The following BTBD9 variants were observed in gnomAD, a reference collection of about 807,000 sequenced individuals.
The protein encoded by BTBD9 is BTB domain containing 9, also known as BTB/POZ domain-containing protein 9.
Under a neutral mutation model 64.3 loss-of-function variants are expected in BTBD9, and 49 were observed. That is an observed-to-expected ratio of 0.76 (90% CI 0.61 to 0.97). The LOEUF is 0.97. Among genes scored for constraint, BTBD9 ranks in the 50% least tolerant of loss-of-function variants. The pLI, the probability that BTBD9 is intolerant of heterozygous loss-of-function variation, is 0.00. For missense variants in BTBD9, 598 were observed against 762.1 expected, an observed-to-expected ratio of 0.78 and a Z score of 2.53; for synonymous variants, 260 against 274.7, an observed-to-expected ratio of 0.95 and a Z score of 0.53.
chr6:38,325,290 A>G (rs1763378591), intron 7 of BTBD9, among the ~76,000 whole-genome samples: 1 of 152,242 alleles, frequency 6.6e-6, no homozygotes, highest in African/African-American at 2.4e-5. Context: ...AGCAGGATTC[A>G]AAGAAGAAAA....
intron 4 of BTBD9, among the ~76,000 whole-genome samples, chr6:38,582,503 C>T (rs866610033): frequency 1.4e-4 from 21 of 152,312 alleles, no homozygotes; most frequent in South Asian, 1.2e-3. Flanking sequence ...GAGCTGAGAT[C>T]AGAACCTAAG....
chr6:38,462,934 G>T (rs1353033174), intron 6 of BTBD9, among the ~76,000 whole-genome samples: 1 of 152,142 alleles, frequency 6.6e-6, no homozygotes, highest in Non-Finnish European at 1.5e-5. Context: ...GAGCAGTTGG[G>T]ACTACAGGCA....
intron 7 of BTBD9, among the ~76,000 whole-genome samples, chr6:38,339,037 C>T (rs138881142): frequency 6.4e-4 from 97 of 152,254 alleles, no homozygotes; most frequent in African/African-American, 2.3e-3. Context: ...GTTATAATCC[C>T]TGTGAAAGTG....
intron 6 of BTBD9, among the ~76,000 whole-genome samples, chr6:38,456,793 C>T (rs977433653): frequency 4.6e-5 from 7 of 152,086 alleles, no homozygotes; most frequent in African/African-American, 1.7e-4. Flanking sequence ...AAATACTTCC[C>T]CCCCAAACTA....
chr6:38,174,761 T>C lies in BTBD9; in HGVS notation c.*224A>G. On this transcript the variant is annotated 3_prime_UTR_variant, in exon 11 of 11. Coordinates refer to ENST00000481247, the MANE Select transcript of BTBD9 (RefSeq NM_001099272.2). ...CTTGATGAAGATTGAAGACCCATTT[T>C]CTCCCCCTTGAGACCTGCCTGATTT... 1 of 559,058 alleles carries C rather than the reference T, an allele frequency of 1.8e-6. No individual in the cohort carries two copies. Among genetic ancestry groups the C allele is most frequent in the East Asian group, 2.9e-5 (1 of 33,978 alleles). The allele number at this position is 559,058 out of a possible 1,614,324, so 34.6% of individuals were successfully genotyped here. A position where few individuals can be genotyped will look rare whatever the true frequency, so the allele number is the denominator to read the frequency against.
At chr6:38,359,958 CTAGT>C (rs990314657) in intron 6 of BTBD9, among the ~76,000 whole-genome samples, 42 of 151,150 alleles carry the variant, frequency 2.8e-4, no homozygotes, top group African/African-American at 9.5e-4. Flanking sequence ...AAAAAAAGTA[CTAGT>C]TAAACTATAC....
chr6:38,494,533 A>G (rs1007328194), intron 6 of BTBD9, among the ~76,000 whole-genome samples: 3 of 152,254 alleles, frequency 2.0e-5, no homozygotes, highest in African/African-American at 7.2e-5. Context: ...CCAGAGTAAG[A>G]TTATACAAAT....
chr6:38,354,240 T>C (rs1343311742), intron 6 of BTBD9, among the ~76,000 whole-genome samples: 1 of 152,112 alleles, frequency 6.6e-6, no homozygotes, highest in Non-Finnish European at 1.5e-5. Flanking sequence ...CACAAATCCT[T>C]ACTCTAGACT....
intron 6 of BTBD9, among the ~76,000 whole-genome samples, chr6:38,530,852 C>G (rs1330465893): frequency 3.3e-5 from 5 of 152,096 alleles, no homozygotes; most frequent in Non-Finnish European, 7.4e-5. Flanking sequence ...AAGAATGCAT[C>G]AGAGTCTCTT....
chr6:38,322,033 A>G (rs1458148858), intron 7 of BTBD9, among the ~76,000 whole-genome samples: 2 of 152,026 alleles, frequency 1.3e-5, no homozygotes, highest in African/African-American at 4.8e-5. Flanking sequence ...GTGTATTAGT[A>G]TATGAGACAA....
chr6:38,630,555 C>T (rs1336553750), intron 1 of BTBD9, among the ~76,000 whole-genome samples: 3 of 152,150 alleles, frequency 2.0e-5, no homozygotes, highest in Non-Finnish European at 4.4e-5. Flanking sequence ...AAAATGTTAA[C>T]ATTTGGGAGA....
At position 38,568,257 on chromosome 6, in the gene BTBD9, T is replaced by C. The variant is rs75925184; in HGVS notation, c.1154+9343A>G. ...TGCCAAAGTAAGCAGGATAGAAAAATGACTATGTAATTCACACACAAAAAA... is the reference window on the plus strand; with the variant it reads ...TGCCAAAGTAAGCAGGATAGAAAAACGACTATGTAATTCACACACAAAAAA... On this transcript the variant is annotated intron_variant, in intron 6 of 10. Coordinates refer to ENST00000481247, the MANE Select transcript of BTBD9 (RefSeq NM_001099272.2). Among the ~76,000 whole-genome samples the C allele has an allele frequency of 3.9e-3, 590 of 152,304 alleles. 3 individuals are homozygous for C. The highest frequency in any genetic ancestry group is 0.013 in the African/African-American group (542 of 41,560).
rs749514186 is a variant in BTBD9, at chr6:38,288,422, C to G, written c.1304G>C (p.Ser435Thr). The stretch of plus-strand genomic sequence containing the variant: ...GCTCCGACTGACTCCTTCAATCACA[C>G]TGGCACAATCAGCAATTGTTGCAAC... ...ENVATIADCA[S>T]VIEGVSRSRN... The change falls in exon 8 of 11, where the codon AGT becomes ACT. Residue 435 changes from serine to threonine, a missense_variant. Ser to Thr is a moderately conservative substitution (Grantham distance 58). Transcript: ENST00000481247. 7 of 1,614,068 alleles carry G rather than the reference C, an allele frequency of 4.3e-6. No homozygotes were observed. The South Asian group carries it at 7.7e-5, about 18-fold the overall frequency.
intron 6 of BTBD9, among the ~76,000 whole-genome samples, chr6:38,443,467 A>G (rs1199256406): frequency 6.6e-6 from 1 of 152,126 alleles, no homozygotes; most frequent in African/African-American, 2.4e-5. Context: ...TTATTCTGGC[A>G]TATCAACTCG....
chr6:38,316,642 C>CTA (rs1169474301), intron 7 of BTBD9, among the ~76,000 whole-genome samples: 1 of 152,076 alleles, frequency 6.6e-6, no homozygotes, highest in Non-Finnish European at 1.5e-5. Flanking sequence ...TATTATTGTA[C>CTA]TATATATGTC....
At chr6:38,269,763 T>G (rs1273431920) in intron 8 of BTBD9, among the ~76,000 whole-genome samples, 1 of 152,184 alleles carries the variant, frequency 6.6e-6, no homozygotes, top group African/African-American at 2.4e-5. Flanking sequence ...TCTTCCACAT[T>G]TGTTTGGTTG....
intron 9 of BTBD9, among the ~76,000 whole-genome samples, chr6:38,201,201 ACTAG>A (rs1280868192): frequency 5.9e-5 from 9 of 152,184 alleles, no homozygotes; most frequent in Non-Finnish European, 1.0e-4. Flanking sequence ...TCAAAAAAAT[ACTAG>A]CAAACCAAAT....
intron 10 of BTBD9, chr6:38,179,436 C>T (rs1289909745): frequency 1.1e-5 from 5 of 456,742 alleles, no homozygotes; most frequent in East Asian, 1.4e-4. Flanking sequence ...GGGCATACTG[C>T]GGTGCTACAG....
At chr6:38,212,306 C>G (rs1032558991) in intron 9 of BTBD9, among the ~76,000 whole-genome samples, 3 of 152,134 alleles carry the variant, frequency 2.0e-5, no homozygotes, top group Non-Finnish European at 4.4e-5. Flanking sequence ...TGCTGAGGGG[C>G]CTGCCTGGGG....
Sources: gnomAD v4.1 joint callset for allele counts (sites outside exome capture counted in the v4.1 genomes callset) on GRCh38, gnomAD v4.1.1 for gene constraint, MANE v1.5 for transcripts, NCBI Gene and HGNC (gene_info 2026-07-23, HGNC 2026-07-21) for gene names.